CSMD1: variants seen among roughly 807,000 people sequenced by gnomAD.
The protein encoded by CSMD1 is CUB and sushi domain-containing protein 1.
Under a neutral mutation model 417.5 loss-of-function variants are expected in CSMD1, and 213 were observed. The observed-to-expected ratio is 0.51, with a 90% confidence interval of 0.46 to 0.57. The LOEUF is 0.57. CSMD1 is among the 20% of genes least tolerant of loss of function. The pLI is 0.00. For synonymous variants in CSMD1, 2,862 were observed against 1,736.8 expected (o/e 1.65, Z -16.11); for missense variants, 6,923 against 4,529.7 (o/e 1.53, Z -15.17).
intron 23 of CSMD1, among the ~76,000 whole-genome samples, chr8:3,316,476 T>C (rs1433692845): frequency 6.6e-6 from 1 of 151,744 alleles, no homozygotes. Context: ...TGCGTGAAGG[T>C]TGAGAGGGAC....
chr8:4,641,862 G>C (rs1803215366), intron 1 of CSMD1, among the ~76,000 whole-genome samples: 1 of 152,186 alleles, frequency 6.6e-6, no homozygotes, highest in Non-Finnish European at 1.5e-5. Context: ...AAAAAAAAGT[G>C]AAAGTATTAA....
At chr8:3,742,408 C>T (rs969571842) in intron 6 of CSMD1, among the ~76,000 whole-genome samples, 1 of 152,188 alleles carries the variant, frequency 6.6e-6, no homozygotes, top group Admixed American at 6.5e-5. Context: ...TAAACTCCTG[C>T]AGAAAGAGTC....
chr8:4,800,868 T>C (rs1798247530), intron 1 of CSMD1, among the ~76,000 whole-genome samples: 1 of 152,220 alleles, frequency 6.6e-6, no homozygotes, highest in Non-Finnish European at 1.5e-5. Flanking sequence ...ACTTTAATTC[T>C]TCCCTTTCAC....
At chr8:4,610,424 A>T (rs1041286002) in intron 2 of CSMD1, among the ~76,000 whole-genome samples, 10 of 152,186 alleles carry the variant, frequency 6.6e-5, no homozygotes, top group African/African-American at 2.4e-4. Flanking sequence ...TTTATGGTTA[A>T]GGATTTATTT....
intron 3 of CSMD1, among the ~76,000 whole-genome samples, chr8:4,187,583 G>C (rs1002453075): frequency 1.4e-5 from 2 of 147,816 alleles, no homozygotes; most frequent in Non-Finnish European, 3.0e-5. Context: ...GGCTAATGTA[G>C]GAGAATCGCT....
intron 2 of CSMD1, among the ~76,000 whole-genome samples, chr8:4,435,098 G>A (rs1224953008): frequency 2.6e-5 from 4 of 152,106 alleles, no homozygotes; most frequent in East Asian, 3.9e-4. Context: ...GCCATTAACA[G>A]TAGATGCTAA....
intron 2 of CSMD1, among the ~76,000 whole-genome samples, chr8:4,442,362 T>G (rs1798535377): frequency 6.6e-6 from 1 of 152,178 alleles, no homozygotes; most frequent in Admixed American, 6.5e-5. Context: ...TTCCCACACG[T>G]TTGCCTAGAG....
At chr8:4,360,882 T>C (rs116470905) in intron 3 of CSMD1, among the ~76,000 whole-genome samples, 94 of 152,282 alleles carry the variant, frequency 6.2e-4, no homozygotes, top group Non-Finnish European at 9.9e-4. Context: ...GGTAAAGCAC[T>C]GACAGGTCCC....
intron 15 of CSMD1, among the ~76,000 whole-genome samples, chr8:3,401,438 C>T (rs1315090931): frequency 1.3e-5 from 2 of 152,096 alleles, no homozygotes; most frequent in African/African-American, 4.8e-5. Context: ...ACCTGAATTG[C>T]TTTATCCTGA....
At chr8:3,615,846 A>G (rs1475574184) in intron 8 of CSMD1, among the ~76,000 whole-genome samples, 1 of 152,158 alleles carries the variant, frequency 6.6e-6, no homozygotes, top group Non-Finnish European at 1.5e-5. Flanking sequence ...GCTGCTTCTA[A>G]TAATTGCATC....
intron 1 of CSMD1, among the ~76,000 whole-genome samples, chr8:4,853,189 G>A (rs2116840272): frequency 6.6e-6 from 1 of 152,310 alleles, no homozygotes; most frequent in Middle Eastern, 3.4e-3. Context: ...GGACCCAGGT[G>A]CTGCTAGCCA....
At chr8:4,988,731 G>A (rs1415040598) in intron 1 of CSMD1, among the ~76,000 whole-genome samples, 9 of 152,182 alleles carry the variant, frequency 5.9e-5, no homozygotes, top group Non-Finnish European at 1.3e-4. Context: ...CTCCCATAAA[G>A]TACAGGTTGA....
intron 5 of CSMD1, 150 bp from the exon 6 acceptor site, chr8:3,754,192 A>C: frequency 2.0e-6 from 1 of 499,950 alleles, no homozygotes; most frequent in Non-Finnish European, 3.7e-6. Context: ...TGAACCTTAA[A>C]ACGATCAAGA....
At chr8:3,805,601 T>C (rs527769584) in intron 5 of CSMD1, among the ~76,000 whole-genome samples, 2 of 152,310 alleles carry the variant, frequency 1.3e-5, no homozygotes, top group South Asian at 2.1e-4. Context: ...GTTTTCCAGC[T>C]AAGAGTTATA....
At chr8:4,626,800 T>A (rs182972276) in intron 2 of CSMD1, among the ~76,000 whole-genome samples, 1 of 152,134 alleles carries the variant, frequency 6.6e-6, no homozygotes, top group Non-Finnish European at 1.5e-5. Flanking sequence ...CTGTGCAGAG[T>A]TCTGAATTCT....
intron 3 of CSMD1, among the ~76,000 whole-genome samples, chr8:4,285,904 T>C (rs992631131): frequency 6.6e-6 from 1 of 152,160 alleles, no homozygotes; most frequent in Admixed American, 6.6e-5. Context: ...ACTGAAGTAT[T>C]TTAAATACCA....
At chr8:3,296,501 C>T (rs74654553) in intron 25 of CSMD1, among the ~76,000 whole-genome samples, 5,333 of 152,102 alleles carry the variant, frequency 0.035, 236 homozygotes, top group African/African-American at 0.098. Context: ...GGATGATATA[C>T]CAAGGCAGGA....
At chr8:3,571,113 G>C (rs561251821) in intron 10 of CSMD1, among the ~76,000 whole-genome samples, 1 of 152,306 alleles carries the variant, frequency 6.6e-6, no homozygotes, top group East Asian at 1.9e-4. Context: ...ACAGGTGGAA[G>C]ATCATTCTCA....
intron 3 of CSMD1, among the ~76,000 whole-genome samples, chr8:4,057,082 G>A (rs2554523): frequency 6.6e-6 from 1 of 152,174 alleles, no homozygotes; most frequent in Admixed American, 6.5e-5. Context: ...AATGGTATTT[G>A]TAGTTCTAGA....
Sources: allele counts gnomAD v4.1 joint callset (sites outside exome capture counted in the v4.1 genomes callset), GRCh38; gene constraint gnomAD v4.1.1; transcripts MANE v1.5; gene names NCBI Gene and HGNC (gene_info 2026-07-23, HGNC 2026-07-21).